NALF1: variants seen among roughly 807,000 people sequenced by gnomAD.
NALF1 encodes the protein family with sequence similarity 155 member A.
A neutral mutation model predicts 48.4 loss-of-function variants in NALF1; 3 were observed. The observed-to-expected ratio is 0.06, with a 90% CI of 0.03 to 0.16. The LOEUF (loss-of-function observed/expected upper bound fraction) is 0.16, where lower values mean the gene tolerates loss of function less well. NALF1 is among the 10% of genes least tolerant of loss of function. The probability of loss-of-function intolerance (pLI) is 1.00; values close to 1 mark genes in which losing one functional copy is unlikely to be tolerated. For missense variants in NALF1, 526 were observed against 571.5 expected, an observed-to-expected ratio of 0.92 and a Z score of 0.81; for synonymous variants, 262 against 245.7, an observed-to-expected ratio of 1.07 and a Z score of -0.62.
intron 1 of NALF1, among the ~76,000 whole-genome samples, chr13:107,715,226 G>C (rs1875716397): frequency 6.7e-6 from 1 of 149,728 alleles, no homozygotes; most frequent in South Asian, 2.1e-4. Flanking sequence ...TTTTGAAACA[G>C]AGTTTCACGC....
At chr13:107,495,601 TG>T (rs1438493990) in intron 1 of NALF1, among the ~76,000 whole-genome samples, 1 of 152,196 alleles carries the variant, frequency 6.6e-6, no homozygotes, top group Non-Finnish European at 1.5e-5. Context: ...GGGTGTGATT[TG>T]ATTTCCAGTG....
At chr13:107,209,194 A>T (rs1339974841) in intron 2 of NALF1, among the ~76,000 whole-genome samples, 1 of 152,200 alleles carries the variant, frequency 6.6e-6, no homozygotes, top group East Asian at 1.9e-4. Context: ...TCTTTCCACA[A>T]GCTTGGGCAG....
At chr13:107,349,872 TC>T (rs1361154726) in intron 1 of NALF1, among the ~76,000 whole-genome samples, 1 of 152,076 alleles carries the variant, frequency 6.6e-6, no homozygotes, top group Non-Finnish European at 1.5e-5. Flanking sequence ...ATTGCAGTGG[TC>T]CCCAACCATT....
chr13:107,465,899 T>C (rs1192632707), intron 1 of NALF1: 4 of 152,388 alleles, frequency 2.6e-5, no homozygotes, highest in Non-Finnish European at 5.9e-5. Flanking sequence ...AATAAGGCAC[T>C]ATTCACATTC....
At chr13:107,849,510 C>T (rs974852063) in intron 1 of NALF1, among the ~76,000 whole-genome samples, 1 of 152,176 alleles carries the variant, frequency 6.6e-6, no homozygotes, top group Non-Finnish European at 1.5e-5. Flanking sequence ...TCAACCGAGA[C>T]TGTATGAAGA....
At chr13:107,395,452 C>T (rs1883696656) in intron 1 of NALF1, among the ~76,000 whole-genome samples, 1 of 152,118 alleles carries the variant, frequency 6.6e-6, no homozygotes, top group Non-Finnish European at 1.5e-5. Flanking sequence ...CAGGAAGACG[C>T]AGTCAAATCA....
chr13:107,230,367 A>G (rs1880194595), intron 1 of NALF1, among the ~76,000 whole-genome samples: 2 of 152,182 alleles, frequency 1.3e-5, no homozygotes, highest in Admixed American at 1.3e-4. Context: ...AAATTTCAAA[A>G]GTAACTCTAT....
At chr13:107,488,426 C>A (rs1295119782) in intron 1 of NALF1, among the ~76,000 whole-genome samples, 2 of 151,874 alleles carry the variant, frequency 1.3e-5, no homozygotes, top group Non-Finnish European at 2.9e-5. Flanking sequence ...TACATCTCCC[C>A]CTTAATACTG....
In NALF1 at chr13:107,178,982, A is replaced by T. The variant is rs186984282; in HGVS notation, c.1088-8196T>A. 2.4e-3 allele frequency among the ~76,000 whole-genome samples: 371 copies of T among 152,088 alleles called. 3 individuals carry two copies. Among genetic ancestry groups the T allele is most frequent in the African/African-American group, 8.3e-3 (345 of 41,514 alleles). ...AAAAAAAAAAACAAAAAATAGAGCT[A>T]CCATATGATCCATCAATCCTAGTGC... On this transcript the variant is annotated intron_variant, in intron 2 of 2. Transcript: ENST00000375915.
intron 1 of NALF1, among the ~76,000 whole-genome samples, chr13:107,246,524 T>C (rs2138840126): frequency 6.6e-6 from 1 of 152,208 alleles, no homozygotes; most frequent in East Asian, 1.9e-4. Context: ...TTTTCTGTTT[T>C]TCAGAGCAGG....
intron 1 of NALF1, among the ~76,000 whole-genome samples, chr13:107,761,682 A>G (rs1262906086): frequency 1.3e-5 from 2 of 152,232 alleles, no homozygotes; most frequent in Admixed American, 1.3e-4. Context: ...CCTATCAGCC[A>G]TCTTTGAAAT....
intron 1 of NALF1, among the ~76,000 whole-genome samples, chr13:107,627,801 T>C (rs1210946757): frequency 6.6e-6 from 1 of 152,122 alleles, no homozygotes; most frequent in African/African-American, 2.4e-5. Context: ...GCATTCAATA[T>C]AAATACTTCT....
At chr13:107,750,573 T>A (rs1876909929) in intron 1 of NALF1, among the ~76,000 whole-genome samples, 2 of 151,024 alleles carry the variant, frequency 1.3e-5, no homozygotes, top group African/African-American at 2.4e-5. Flanking sequence ...TGTTGGATTT[T>A]ATTAACATGA....
intron 1 of NALF1, among the ~76,000 whole-genome samples, chr13:107,670,282 C>T (rs927595328): frequency 4.6e-5 from 7 of 151,956 alleles, no homozygotes; most frequent in Admixed American, 1.3e-4. Flanking sequence ...ATATACACTA[C>T]GTATACAAAC....
intron 1 of NALF1, among the ~76,000 whole-genome samples, chr13:107,355,742 T>C (rs1882952711): frequency 6.6e-6 from 1 of 152,142 alleles, no homozygotes; most frequent in African/African-American, 2.4e-5. Flanking sequence ...ATGCTTTCTG[T>C]ACAGTCTGTG....
At chr13:107,604,242 C>G (rs1028620970) in intron 1 of NALF1, among the ~76,000 whole-genome samples, 2 of 152,142 alleles carry the variant, frequency 1.3e-5, no homozygotes, top group East Asian at 3.8e-4. Context: ...ACTAAAATTG[C>G]TTTCATGCTG....
chr13:107,677,504 G>A (rs1488879980), intron 1 of NALF1, among the ~76,000 whole-genome samples: 1 of 152,162 alleles, frequency 6.6e-6, no homozygotes, highest in African/African-American at 2.4e-5. Flanking sequence ...AATCAATTAT[G>A]CTGAGCACAT....
intron 1 of NALF1, among the ~76,000 whole-genome samples, chr13:107,619,918 T>C (rs1005405909): frequency 5.3e-5 from 8 of 152,182 alleles, no homozygotes; most frequent in Non-Finnish European, 1.2e-4. Context: ...GAAACTTGAA[T>C]GTGTGGGCAT....
In NALF1 at chr13:107,585,165, A is replaced by G. The variant is rs1356996040; in HGVS notation, c.915+280517T>C. Among the ~76,000 whole-genome samples the G allele has an allele frequency of 2.6e-5, 4 of 152,000 alleles. No homozygotes were observed. The East Asian group carries it at 7.7e-4, about 29-fold the overall frequency. On this transcript the variant is annotated intron_variant, in intron 1 of 2. Coordinates refer to ENST00000375915, the MANE Select transcript of NALF1 (RefSeq NM_001080396.3). The stretch of plus-strand genomic sequence containing the variant: ...ATCCAACCCGGTCATTTTTTTCCAA[A>G]ATATACTCCTAATAATCAGTTGTTT...
Sources: gnomAD v4.1 joint callset for allele counts (sites outside exome capture counted in the v4.1 genomes callset) on GRCh38, gnomAD v4.1.1 for gene constraint, MANE v1.5 for transcripts, NCBI Gene and HGNC (gene_info 2026-07-23, HGNC 2026-07-21) for gene names.